EGFR: variants seen among roughly 807,000 people sequenced by gnomAD.
The protein encoded by EGFR is epidermal growth factor receptor.
In EGFR, 58 loss-of-function variants were observed where a neutral mutation model predicts 143.0. The ratio of observed to expected loss-of-function variants is 0.41; its 90% CI spans 0.33 to 0.50. EGFR has a LOEUF of 0.50. Among genes scored for constraint, EGFR ranks in the 20% least tolerant of loss-of-function variants. The pLI is 0.39. For synonymous variants in EGFR, 613 were observed against 594.4 expected, an observed-to-expected ratio of 1.03 and a Z score of -0.45; for missense variants, 1,307 against 1,579.0, an observed-to-expected ratio of 0.83 and a Z score of 2.92.
chr7:55,168,416 C>T, intron 15 of EGFR: 1 of 793,614 alleles, frequency 1.3e-6, no homozygotes. Flanking sequence ...AATACACTTA[C>T]TTTGTATAAG....
At chr7:55,133,805 A>G (rs1793985939) in intron 1 of EGFR, among the ~76,000 whole-genome samples, 1 of 152,242 alleles carries the variant, frequency 6.6e-6, no homozygotes, top group Admixed American at 6.5e-5. Flanking sequence ...GCCCTGAAGC[A>G]GCAAGGCAGA....
At chr7:55,076,815 A>G (rs1344298655) in intron 1 of EGFR, among the ~76,000 whole-genome samples, 2 of 152,050 alleles carry the variant, frequency 1.3e-5, no homozygotes, top group East Asian at 3.9e-4. Context: ...CAGAGCTCTG[A>G]CCACCCGCTT....
At chr7:55,110,503 A>G (rs1355668117) in intron 1 of EGFR, among the ~76,000 whole-genome samples, 1 of 152,242 alleles carries the variant, frequency 6.6e-6, no homozygotes, top group Non-Finnish European at 1.5e-5. Flanking sequence ...TTTCGTTGGC[A>G]CTGACCCCGA....
At chr7:55,190,001 A>C (rs186999260) in intron 20 of EGFR, among the ~76,000 whole-genome samples, 1 of 152,346 alleles carries the variant, frequency 6.6e-6, no homozygotes, top group African/African-American at 2.4e-5. Flanking sequence ...GCAAGTCAGC[A>C]TCGCAGGAGT....
At chr7:55,074,639 G>C (rs572037133) in intron 1 of EGFR, among the ~76,000 whole-genome samples, 24 of 152,166 alleles carry the variant, frequency 1.6e-4, no homozygotes, top group Admixed American at 1.6e-3. Context: ...TATACGACAT[G>C]ATTAAAGAAT....
chr7:55,068,932 T>G (rs958947525), intron 1 of EGFR, among the ~76,000 whole-genome samples: 3 of 152,100 alleles, frequency 2.0e-5, no homozygotes, highest in African/African-American at 7.2e-5. Flanking sequence ...GGAAAAGGCA[T>G]CTGGTCATGT....
rs1265765946 is a variant in EGFR, at chr7:55,075,192, A to G, written c.88+55827A>G. On this transcript the variant is annotated intron_variant, in intron 1 of 27. Transcript: ENST00000275493. ...GCAAATTAAAGTTGAAGCAGGAGCTAAAAAAAAAAAAAAAAATGTTTCAAA... is the reference window on the plus strand; with the variant it reads ...GCAAATTAAAGTTGAAGCAGGAGCTGAAAAAAAAAAAAAAAATGTTTCAAA... Among the ~76,000 whole-genome samples the G allele has an allele frequency of 1.6e-4, 15 of 92,964 alleles. No homozygotes were observed. In the East Asian group the frequency reaches 3.8e-3, roughly 23 times the overall value. The allele number at this position is 92,964 out of a possible 152,430, so 61.0% of individuals were successfully genotyped here.
At chr7:55,204,348 GCACACATA>G (rs1162191204) in intron 27 of EGFR, among the ~76,000 whole-genome samples, 3 of 129,578 alleles carry the variant, frequency 2.3e-5, no homozygotes, top group Non-Finnish European at 4.8e-5. Flanking sequence ...ACATATGTAT[GCACACATA>G]CACACCAACA....
Position 55,201,789 on chromosome 7 carries a change from A to C in EGFR, c.3162+7A>C. On this transcript the variant is annotated splice_region_variant and intron_variant, in intron 26 of 27. Transcript: ENST00000275493. ...TTGCATTGATAGAAATGGGGTATGT[A>C]TGAACACCTTATAAGCCAGAATTTA... The C allele has an allele frequency of 6.2e-7, 1 of 1,614,200 alleles. No homozygotes were observed. The highest frequency in any genetic ancestry group is 1.1e-5 in the South Asian group (1 of 91,080).
Position 55,200,335 on chromosome 7 carries a change from T to C in EGFR, c.2868T>C (p.Asp956=). 2 of 1,614,170 alleles carry C rather than the reference T, an allele frequency of 1.2e-6. No individual in the cohort carries two copies. The highest frequency in any genetic ancestry group is 8.5e-7 in the Non-Finnish European group (1 of 1,180,028). The part of the protein sequence containing the change: ...IMVKCWMIDA[D]SRPKFRELII... Reference sequence around the variant, plus strand: ...CCCCAGGCTGGATGATAGACGCAGATAGTCGCCCAAAGTTCCGTGAGTTGA... The same window carrying C: ...CCCCAGGCTGGATGATAGACGCAGACAGTCGCCCAAAGTTCCGTGAGTTGA... The change falls in exon 24 of 28, where the codon GAT becomes GAC. Residue 956 remains aspartate (D), a synonymous_variant. Transcript: ENST00000275493.
chr7:55,045,649 C>T (rs1472627259), intron 1 of EGFR, among the ~76,000 whole-genome samples: 1 of 152,184 alleles, frequency 6.6e-6, no homozygotes, highest in Non-Finnish European at 1.5e-5. Flanking sequence ...AGTTTCCTCA[C>T]CTGTCGAGTG....
chr7:55,027,988 AAAAATATATATATATATATAT>A (rs1163467819), intron 1 of EGFR, among the ~76,000 whole-genome samples: 4 of 87,848 alleles, frequency 4.6e-5, no homozygotes, highest in Admixed American at 1.3e-4. Context: ...AAAAAAAAAA[AAAAATATATATATATATATAT>A]ATATATATAT....
intron 20 of EGFR, 142 bp downstream of exon 20, chr7:55,181,620 A>T (rs1218065816): frequency 9.9e-7 from 1 of 1,014,504 alleles, no homozygotes; most frequent in East Asian, 2.5e-5. Context: ...TTTATTTTGG[A>T]TTCAATCAAG....
Position 55,189,403 on chromosome 7 carries a change from A to C in EGFR, c.2470-2316A>C, listed in dbSNP as rs571768019. On this transcript the variant is annotated intron_variant, in intron 20 of 27. Coordinates refer to ENST00000275493, the MANE Select transcript of EGFR (RefSeq NM_005228.5). ...CACATCGCCAGTGCTCAGCACTGTCAGCTGCTATCACCAGTCATTCAATCA... is the reference window on the plus strand; with the variant it reads ...CACATCGCCAGTGCTCAGCACTGTCCGCTGCTATCACCAGTCATTCAATCA... 5.8e-5 allele frequency among the ~76,000 whole-genome samples: 8 copies of C among 139,004 alleles called. No homozygotes were observed. In the East Asian group the frequency reaches 1.8e-3, roughly 31 times the overall value. The allele number at this position is 139,004 out of a possible 152,430, so 91.2% of individuals were successfully genotyped here. A position where few individuals can be genotyped will look rare whatever the true frequency, so the allele number is the denominator to read the frequency against.
chr7:55,065,821 A>C (rs1789461337), intron 1 of EGFR, among the ~76,000 whole-genome samples: 1 of 144,894 alleles, frequency 6.9e-6, no homozygotes, highest in Non-Finnish European at 1.5e-5. Context: ...ATAGTAAGTG[A>C]CTAAGTGGCT....
chr7:55,022,872 C>T (rs1460940125), intron 1 of EGFR, among the ~76,000 whole-genome samples: 1 of 152,250 alleles, frequency 6.6e-6, no homozygotes, highest in African/African-American at 2.4e-5. Flanking sequence ...GTCCACGTGA[C>T]AGCACTAACA....
At chr7:55,096,486 G>A (rs780255041) in intron 1 of EGFR, among the ~76,000 whole-genome samples, 1 of 152,126 alleles carries the variant, frequency 6.6e-6, no homozygotes, top group Non-Finnish European at 1.5e-5. Flanking sequence ...ATAACATCAG[G>A]CGATGGGGAT....
chr7:55,174,584 G>A (rs1298953560), intron 18 of EGFR, 138 bp from the exon 19 acceptor site: 8 of 768,002 alleles, frequency 1.0e-5, no homozygotes, highest in Non-Finnish European at 1.9e-5. Flanking sequence ...AGCAATATCA[G>A]CCTTAGGTGC....
intron 1 of EGFR, among the ~76,000 whole-genome samples, chr7:55,065,869 A>G (rs1018900896): frequency 1.4e-5 from 2 of 140,526 alleles, no homozygotes; most frequent in Non-Finnish European, 3.0e-5. Context: ...GCTGAGTCAT[A>G]TGGCCTCTGT....
Sources: allele counts gnomAD v4.1 joint callset (sites outside exome capture counted in the v4.1 genomes callset), GRCh38; gene constraint gnomAD v4.1.1; transcripts MANE v1.5; gene names NCBI Gene and HGNC (gene_info 2026-07-23, HGNC 2026-07-21).